Variants in ERBB4 observed in about 807,000 individuals in gnomAD.
ERBB4 encodes erb-b2 receptor tyrosine kinase 4, also known as receptor tyrosine-protein kinase erbB-4.
A neutral mutation model predicts 158.0 loss-of-function variants in ERBB4; 42 were observed. That is an observed-to-expected ratio of 0.27 (90% CI 0.21 to 0.34). The LOEUF (loss-of-function observed/expected upper bound fraction) is 0.34. ERBB4 is among the 10% of genes least tolerant of loss of function. The pLI is 1.00. For synonymous variants in ERBB4, 583 were observed against 558.7 expected, an observed-to-expected ratio of 1.04 and a Z score of -0.61; for missense variants, 1,333 against 1,624.1, an observed-to-expected ratio of 0.82 and a Z score of 3.08.
intron 1 of ERBB4, among the ~76,000 whole-genome samples, chr2:212,459,763 A>G (rs1295403070): frequency 3.3e-5 from 5 of 152,220 alleles, no homozygotes; most frequent in African/African-American, 1.2e-4. Context: ...ATACAACAGA[A>G]TAGAGAACAC....
At chr2:211,982,435 A>G (rs2081827708) in intron 2 of ERBB4, among the ~76,000 whole-genome samples, 1 of 152,242 alleles carries the variant, frequency 6.6e-6, no homozygotes, top group African/African-American at 2.4e-5. Context: ...GGGGATAACA[A>G]GTGTTAAAGC....
chr2:211,953,172 A>T (rs181026403), intron 2 of ERBB4, among the ~76,000 whole-genome samples: 1 of 152,142 alleles, frequency 6.6e-6, no homozygotes, highest in East Asian at 1.9e-4. Flanking sequence ...CACTAATACA[A>T]AACATTGTTT....
At position 211,379,914 on chromosome 2, in the gene ERBB4, T is replaced by C. The variant is rs1231726847; in HGVS notation, c.*3701A>G. 2 of 232,026 alleles carry C rather than the reference T, an allele frequency of 8.6e-6. No individual in the cohort carries two copies. The highest frequency in any genetic ancestry group is 1.7e-5 in the Non-Finnish European group (2 of 117,434). 14.4% of individuals were successfully genotyped at this position (232,026 alleles called of 1,614,324 possible). ...GAAGCACATTAATAGTCCTTCCAAC[T>C]TCATCTAGTAGCAGAGCCTCACACA... is the stretch of plus-strand genomic sequence containing the variant. On this transcript the variant is annotated 3_prime_UTR_variant, in exon 28 of 28. Coordinates refer to ENST00000342788, the MANE Select transcript of ERBB4 (RefSeq NM_005235.3).
At chr2:211,406,508 A>T (rs923591461) in intron 25 of ERBB4, among the ~76,000 whole-genome samples, 1 of 152,196 alleles carries the variant, frequency 6.6e-6, no homozygotes, top group Non-Finnish European at 1.5e-5. Flanking sequence ...ACATTCAAAA[A>T]GTCAAAATTC....
intron 3 of ERBB4, among the ~76,000 whole-genome samples, chr2:211,938,611 G>T (rs746931491): frequency 9.2e-5 from 14 of 152,016 alleles, no homozygotes; most frequent in Non-Finnish European, 2.1e-4. Flanking sequence ...ATTGAATATT[G>T]CTATCATCCC....
intron 3 of ERBB4, among the ~76,000 whole-genome samples, chr2:211,789,536 G>C (rs2106321653): frequency 6.6e-6 from 1 of 152,222 alleles, no homozygotes; most frequent in South Asian, 2.1e-4. Flanking sequence ...TCTCCTTGAG[G>C]ATTATGTCTG....
At chr2:211,758,659 T>C (rs2075339141) in intron 4 of ERBB4, among the ~76,000 whole-genome samples, 1 of 152,196 alleles carries the variant, frequency 6.6e-6, no homozygotes, top group Admixed American at 6.5e-5. Flanking sequence ...TGTCAGCTTT[T>C]TGAAACCAAT....
chr2:212,124,979 A>T, intron 1 of ERBB4, 76 bp from the exon 2 acceptor site: 1 of 1,528,616 alleles, frequency 6.5e-7, no homozygotes, highest in Middle Eastern at 1.7e-4. Context: ...CTTTCTCAAA[A>T]CTCTCTATTC....
At chr2:211,974,166 ACAACAAACTTC>A (rs2081539777) in intron 2 of ERBB4, among the ~76,000 whole-genome samples, 2 of 152,194 alleles carry the variant, frequency 1.3e-5, no homozygotes, top group African/African-American at 4.8e-5. Flanking sequence ...AATAATCTGT[ACAACAAACTTC>A]CATGACAAAA....
chr2:211,669,216 CAA>C (rs71054124), intron 14 of ERBB4, among the ~76,000 whole-genome samples: 10,258 of 55,060 alleles, frequency 0.19, 168 homozygotes, highest in African/African-American at 0.3. Context: ...GAGTGAGTCT[CAA>C]AAAAAAAAAA....
rs2062535835 is a variant in ERBB4 at position 211,379,355 on chromosome 2, AAAAT to A, written c.*4256_*4259del. 8.8e-6 allele frequency: 2 copies of A among 227,854 alleles called. No homozygotes were observed. The highest frequency in any genetic ancestry group is 1.7e-5 in the Non-Finnish European group (2 of 114,698). 14.1% of individuals were successfully genotyped at this position (227,854 alleles called of 1,614,324 possible). Reference sequence around the variant, plus strand: ...TTCTGCAAGGTGGTGTTTATTTAAAAAAATAAATAAATACAATTTTCTTTACATT... The same window carrying A: ...TTCTGCAAGGTGGTGTTTATTTAAAAAAATAAATACAATTTTCTTTACATT... On this transcript the variant is annotated 3_prime_UTR_variant, in exon 28 of 28. Transcript: ENST00000342788.
chr2:211,703,696 G>A (rs995502092), intron 11 of ERBB4, among the ~76,000 whole-genome samples: 6 of 152,076 alleles, frequency 3.9e-5, no homozygotes, highest in African/African-American at 9.7e-5. Flanking sequence ...GCCCTGTGAC[G>A]TGTAGTTCAA....
intron 12 of ERBB4, among the ~76,000 whole-genome samples, chr2:211,681,472 C>T (rs912769497): frequency 2.0e-5 from 3 of 152,116 alleles, no homozygotes; most frequent in Non-Finnish European, 2.9e-5. Flanking sequence ...ATTTTACATT[C>T]CTACCATCAA....
At chr2:212,130,680 C>T (rs550353252) in intron 1 of ERBB4, among the ~76,000 whole-genome samples, 14 of 152,044 alleles carry the variant, frequency 9.2e-5, no homozygotes, top group East Asian at 7.7e-4. Flanking sequence ...ATGCCTATTG[C>T]GAGATATCAG....
chr2:211,436,002 G>T (rs2063844720), intron 20 of ERBB4, among the ~76,000 whole-genome samples: 1 of 151,908 alleles, frequency 6.6e-6, no homozygotes, highest in Non-Finnish European at 1.5e-5. Flanking sequence ...TGTCATCCAG[G>T]CTGGAGTGCA....
chr2:212,393,769 G>C (rs1181952690), intron 1 of ERBB4, among the ~76,000 whole-genome samples: 1 of 152,000 alleles, frequency 6.6e-6, no homozygotes, highest in Non-Finnish European at 1.5e-5. Flanking sequence ...GATTCTGTTG[G>C]TCATATATTA....
At chr2:212,242,754 G>C (rs1383645064) in intron 1 of ERBB4, among the ~76,000 whole-genome samples, 1 of 152,144 alleles carries the variant, frequency 6.6e-6, no homozygotes, top group Non-Finnish European at 1.5e-5. Flanking sequence ...AGCTGGTACT[G>C]CATGTTTTGT....
chr2:212,224,187 T>C (rs573733644), intron 1 of ERBB4, among the ~76,000 whole-genome samples: 1 of 151,956 alleles, frequency 6.6e-6, no homozygotes, highest in African/African-American at 2.4e-5. Flanking sequence ...AAAAGCCAGT[T>C]CAAGAATTTT....
intron 20 of ERBB4, among the ~76,000 whole-genome samples, chr2:211,466,402 T>G (rs887878813): frequency 2.6e-5 from 4 of 151,192 alleles, no homozygotes; most frequent in African/African-American, 9.7e-5. Flanking sequence ...GAATGAGTTA[T>G]CTTTTCCAAA....
Sources: allele counts gnomAD v4.1 joint callset (sites outside exome capture counted in the v4.1 genomes callset), GRCh38; gene constraint gnomAD v4.1.1; transcripts MANE v1.5; gene names NCBI Gene and HGNC (gene_info 2026-07-23, HGNC 2026-07-21).